The following ITGAL variants were observed in gnomAD, a reference collection of about 807,000 sequenced individuals.
ITGAL encodes the protein integrin subunit alpha L, also known as integrin alpha-L.
In ITGAL, 68 loss-of-function variants were observed where a neutral mutation model predicts 138.4. The observed-to-expected ratio is 0.49, with a 90% confidence interval of 0.40 to 0.60. The LOEUF (loss-of-function observed/expected upper bound fraction) is 0.60. Ranked by LOEUF, ITGAL falls within the 20% of genes least tolerant of loss-of-function variation. The pLI is 0.00. For synonymous variants in ITGAL, 561 were observed against 584.3 expected (o/e 0.96, Z 0.57); for missense variants, 1,256 against 1,478.6 (o/e 0.85, Z 2.47).
In ITGAL at chr16:30,521,761, A is replaced by T; in HGVS notation, c.*96A>T. The T allele has an allele frequency of 8.4e-7, 1 of 1,194,946 alleles. No homozygotes were observed. The highest frequency in any genetic ancestry group is 1.2e-6 in the Non-Finnish European group (1 of 853,104). 74.0% of individuals were successfully genotyped at this position (1,194,946 alleles called of 1,614,324 possible). The stretch of plus-strand genomic sequence containing the variant: ...GCATTCTGCCGTGTGCCCTCGGGCG[A>T]GTCACTGCCTCTCCCTGGCCCTCAG... On this transcript the variant is annotated 3_prime_UTR_variant, in exon 31 of 31. Coordinates refer to ENST00000356798, the MANE Select transcript of ITGAL (RefSeq NM_002209.3).
At chr16:30,479,692 C>CTTTTTTTTTTT in intron 6 of ITGAL, among the ~76,000 whole-genome samples, 1 of 90,374 alleles carries the variant, frequency 1.1e-5, no homozygotes, top group African/African-American at 5.0e-5. Context: ...TGGAGTTTTG[C>CTTTTTTTTTTT]TCTTGTTGCC....
intron 17 of ITGAL, among the ~76,000 whole-genome samples, chr16:30,503,373 TG>T (rs1409926683): frequency 2.6e-5 from 4 of 151,988 alleles, no homozygotes; most frequent in African/African-American, 9.7e-5. Context: ...TGGACAGATT[TG>T]GGTTCAAATC....
chr16:30,479,313 T>A lies in ITGAL; in HGVS notation c.446-18T>A. 1 of 1,613,850 alleles carries A rather than the reference T, an allele frequency of 6.2e-7. No individual in the cohort carries two copies. Among genetic ancestry groups the A allele is most frequent in the South Asian group, 1.1e-5 (1 of 91,084 alleles). ...ACCAGAGATGCTTCACTGGGTCCCT[T>A]GCGTCTGGCTTCTGCAGAATGTATC... is the stretch of plus-strand genomic sequence containing the variant. On this transcript the variant is annotated intron_variant, in intron 5 of 30. Transcript: ENST00000356798.
chr16:30,487,764 G>A (rs1433140567), intron 9 of ITGAL, among the ~76,000 whole-genome samples: 2 of 150,906 alleles, frequency 1.3e-5, no homozygotes, highest in African/African-American at 2.4e-5. Context: ...GGAGAGCAGT[G>A]GTGCGATCTT....
intron 29 of ITGAL, among the ~76,000 whole-genome samples, chr16:30,519,011 G>A (rs761543324): frequency 6.6e-6 from 1 of 152,168 alleles, no homozygotes; most frequent in Non-Finnish European, 1.5e-5. Flanking sequence ...ATCACATGAA[G>A]TGAGGAGTTC....
intron 6 of ITGAL, among the ~76,000 whole-genome samples, chr16:30,479,818 A>AT (rs1162068053): frequency 1.3e-5 from 2 of 151,796 alleles, no homozygotes; most frequent in Non-Finnish European, 2.9e-5. Flanking sequence ...CACCCAGCTG[A>AT]TTTTTGTATT....
At chr16:30,491,542 TCA>T (rs2050724001) in intron 11 of ITGAL, among the ~76,000 whole-genome samples, 1 of 152,196 alleles carries the variant, frequency 6.6e-6, no homozygotes, top group African/African-American at 2.4e-5. Flanking sequence ...CCTTCAGATC[TCA>T]GTTTAGCTAT....
At chr16:30,520,571 C>A (rs991502285) in intron 30 of ITGAL, among the ~76,000 whole-genome samples, 1 of 152,186 alleles carries the variant, frequency 6.6e-6, no homozygotes, top group East Asian at 1.9e-4. Flanking sequence ...GGCACTGTCC[C>A]AGGCACAGGG....
chr16:30,510,946 CGCCAA>C lies in ITGAL; in HGVS notation c.2686_2690del (p.Ala896CysfsTer4). On this transcript the variant is annotated frameshift_variant, in exon 23 of 31. Transcript: ENST00000356798. LOFTEE classifies it high-confidence loss of function. ...CCTGGGGGGACTCGGTTGAATTGCA[CGCCAA>C]TGTGACCTGGTGAGCAGGCCCCGCC... 4.3e-6 allele frequency: 7 copies of C among 1,613,910 alleles called. No individual in the cohort carries two copies. Among genetic ancestry groups the C allele is most frequent in the Non-Finnish European group, 5.9e-6 (7 of 1,179,930 alleles).
chr16:30,508,245 C>T (rs1252490153), intron 21 of ITGAL, among the ~76,000 whole-genome samples: 1 of 123,872 alleles, frequency 8.1e-6, no homozygotes, highest in Non-Finnish European at 1.6e-5. Context: ...CGAAGTCTTG[C>T]TCTTGTCCCC....
chr16:30,496,973 T>C (rs963835980), intron 15 of ITGAL, among the ~76,000 whole-genome samples: 4 of 152,104 alleles, frequency 2.6e-5, no homozygotes, highest in Non-Finnish European at 5.9e-5. Flanking sequence ...ATATATGGTC[T>C]TCCAGGCCAG....
At chr16:30,473,004 T>G in intron 1 of ITGAL, 106 bp downstream of exon 1, 1 of 1,073,732 alleles carries the variant, frequency 9.3e-7, no homozygotes, top group Non-Finnish European at 1.4e-6. Context: ...AAAAGTGGGA[T>G]TGGCCTTAGG....
intron 11 of ITGAL, among the ~76,000 whole-genome samples, chr16:30,491,164 G>A (rs1383228364): frequency 1.3e-5 from 2 of 151,736 alleles, no homozygotes; most frequent in Non-Finnish European, 2.9e-5. Flanking sequence ...ACTTTGGGAA[G>A]CTGAGGCTGG....
At chr16:30,505,492 C>T in intron 20 of ITGAL, 30 bp downstream of exon 20, 3 of 1,560,670 alleles carry the variant, frequency 1.9e-6, no homozygotes, top group Non-Finnish European at 2.6e-6. Context: ...CTCCAGCCTC[C>T]CATCCACTCT....
chr16:30,482,247 C>T (rs1202178313), intron 7 of ITGAL, among the ~76,000 whole-genome samples: 1 of 151,984 alleles, frequency 6.6e-6, no homozygotes, highest in Non-Finnish European at 1.5e-5. Flanking sequence ...CATTGCACTC[C>T]AGCCTGGACA....
chr16:30,518,914 A>G (rs1467174742), intron 29 of ITGAL, among the ~76,000 whole-genome samples, 195 bp downstream of exon 29: 1 of 152,078 alleles, frequency 6.6e-6, no homozygotes, highest in African/African-American at 2.4e-5. Context: ...GATGTAGTAG[A>G]CTTATGTGTC....
In ITGAL at chr16:30,494,441, T is replaced by G. The variant is rs2050771869; in HGVS notation, c.1365+78T>G. 1.5e-5 allele frequency: 21 copies of G among 1,433,928 alleles called. No homozygotes were observed. The highest frequency in any genetic ancestry group is 1.8e-5 in the Non-Finnish European group (19 of 1,062,104). The allele number at this position is 1,433,928 out of a possible 1,614,324, so 88.8% of individuals were successfully genotyped here. On this transcript the variant is annotated intron_variant, in intron 12 of 30. Coordinates refer to ENST00000356798, the MANE Select transcript of ITGAL (RefSeq NM_002209.3). This position sits in a 1 kb window ranked among gnomAD's most constrained non-coding sequence, Gnocchi z 4.2. ...ACACTCCCTTCTGTCCTTTGAATGC[T>G]CATCCACTTACCATGTGGCAGCCCC...
At chr16:30,499,687 G>GTATATATATGTTTATA (rs2050857201) in intron 17 of ITGAL, 198 bp downstream of exon 17, 1 of 103,530 alleles carries the variant, frequency 9.7e-6, no homozygotes, top group Admixed American at 1.4e-4. Flanking sequence ...GTATATATAT[G>GTATATATATGTTTATA]TATATATATG....
Position 30,494,747 on chromosome 16 carries a change from T to C in ITGAL, c.1400T>C (p.Val467Ala). ...TATTTCGGTGGGGAGCTGTGTGGCGTCGACGTGGACCAAGATGGGGAGACA... is the reference window on the plus strand; with the variant it reads ...TATTTCGGTGGGGAGCTGTGTGGCGCCGACGTGGACCAAGATGGGGAGACA... ...GSYFGGELCG[V>A]DVDQDGETEL... Residue 467 changes from valine (V) to alanine (A), a missense_variant, in exon 13 of 31, where the codon GTC becomes GCC. Val to Ala is a moderately conservative substitution (Grantham distance 64). Coordinates refer to ENST00000356798, the MANE Select transcript of ITGAL (RefSeq NM_002209.3). This position sits in a 1 kb window ranked among gnomAD's most constrained non-coding sequence, Gnocchi z 4.2. The C allele has an allele frequency of 6.2e-7, 1 of 1,612,758 alleles. No homozygotes were observed.
Sources: allele counts gnomAD v4.1 joint callset (sites outside exome capture counted in the v4.1 genomes callset), GRCh38; gene constraint gnomAD v4.1.1; non-coding constraint Gnocchi (gnomAD v3.1); transcripts MANE v1.5; gene names NCBI Gene and HGNC (gene_info 2026-07-23, HGNC 2026-07-21).